OSBP2: variants seen among roughly 807,000 people sequenced by gnomAD.
OSBP2 encodes oxysterol-binding protein 2.
Under a neutral mutation model 96.0 loss-of-function variants are expected in OSBP2, and 66 were observed. That is an observed-to-expected ratio of 0.69 (90% CI 0.56 to 0.84). OSBP2 has a LOEUF of 0.84. Ranked by LOEUF, OSBP2 falls within the 40% of genes least tolerant of loss-of-function variation. The pLI is 0.00. For missense variants in OSBP2, 1,038 were observed against 1,222.7 expected (o/e 0.85, Z 2.25); for synonymous variants, 525 against 520.9 (o/e 1.01, Z -0.11).
intron 3 of OSBP2, among the ~76,000 whole-genome samples, chr22:30,879,196 C>G (rs1009174504): frequency 9.2e-5 from 14 of 152,224 alleles, no homozygotes; most frequent in Admixed American, 6.5e-4. Context: ...GCTGCCCTCC[C>G]TTGTCCCTCC....
At chr22:30,762,454 A>C (rs1391031275) in intron 2 of OSBP2, among the ~76,000 whole-genome samples, 1 of 151,970 alleles carries the variant, frequency 6.6e-6, no homozygotes, top group African/African-American at 2.4e-5. Context: ...AGGCTGAGGC[A>C]GGGGGTGAAC....
intron 2 of OSBP2, chr22:30,822,751 C>A: frequency 2.7e-6 from 4 of 1,475,816 alleles, no homozygotes; most frequent in Non-Finnish European, 3.6e-6. Context: ...AGGCCAGGCT[C>A]CCCGCGCATG....
intron 2 of OSBP2, among the ~76,000 whole-genome samples, chr22:30,786,224 T>C (rs370916378): frequency 1.0e-3 from 156 of 152,324 alleles, no homozygotes; most frequent in Middle Eastern, 3.4e-3. Flanking sequence ...AGTTTCACTA[T>C]GTTGGCCAGG....
At chr22:30,716,071 C>T (rs1470811932) in intron 1 of OSBP2, among the ~76,000 whole-genome samples, 7 of 149,306 alleles carry the variant, frequency 4.7e-5, no homozygotes, top group East Asian at 2.0e-4. Context: ...GACAGAATCT[C>T]GCTCTTGTCG....
chr22:30,859,245 C>A (rs1338787592), intron 2 of OSBP2, among the ~76,000 whole-genome samples: 1 of 152,236 alleles, frequency 6.6e-6, no homozygotes. Flanking sequence ...TTTCCAGTGA[C>A]CTGCTCAACA....
intron 2 of OSBP2, among the ~76,000 whole-genome samples, chr22:30,847,460 T>G (rs1260391273): frequency 1.3e-5 from 2 of 151,944 alleles, no homozygotes; most frequent in Non-Finnish European, 2.9e-5. Context: ...TTTTGTATTT[T>G]TTGTAGAGAT....
chr22:30,773,298 T>G (rs1602242990), intron 2 of OSBP2: 1 of 152,436 alleles, frequency 6.6e-6, no homozygotes, highest in East Asian at 1.9e-4. Context: ...TAACTAGGCC[T>G]CCCAAAGTGC....
At chr22:30,900,475 A>G (rs973457065) in intron 12 of OSBP2, among the ~76,000 whole-genome samples, 3 of 152,118 alleles carry the variant, frequency 2.0e-5, no homozygotes, top group Non-Finnish European at 4.4e-5. Flanking sequence ...AGGGACCTTC[A>G]TGGAACTTGA....
chr22:30,852,279 A>G (rs1366823098), intron 2 of OSBP2, among the ~76,000 whole-genome samples: 2 of 152,146 alleles, frequency 1.3e-5, no homozygotes, highest in Admixed American at 6.5e-5. Context: ...CAGGGCCACC[A>G]TTTGGACCTG....
rs982558154 is a variant in OSBP2, at chr22:30,719,243, T to A, written c.645-21918T>A. Among the ~76,000 whole-genome samples the A allele has an allele frequency of 1.6e-4, 25 of 152,064 alleles. 4 individuals carry two copies. The highest frequency in any genetic ancestry group is 1.5e-3 in the Admixed American group (23 of 15,258). ...AGTTTGTGCTCGGTGGCAGTGTGTG[T>A]CATTATGTGTGCATGTGCAGCTGTG... On this transcript the variant is annotated intron_variant, in intron 1 of 13. Transcript: ENST00000332585.
chr22:30,865,120 G>A (rs5753356), intron 2 of OSBP2, among the ~76,000 whole-genome samples: 46,675 of 152,044 alleles, frequency 0.31, 7,797 homozygotes, highest in South Asian at 0.48. Context: ...TGGCTCCCCT[G>A]CGCTAGATGA....
intron 2 of OSBP2, among the ~76,000 whole-genome samples, chr22:30,802,276 G>T (rs1354695074): frequency 6.6e-6 from 1 of 152,210 alleles, no homozygotes; most frequent in Non-Finnish European, 1.5e-5. Flanking sequence ...ATGTGGAAGC[G>T]GTTCTGCGAG....
At chr22:30,769,788 G>A (rs2090324315) in intron 2 of OSBP2, among the ~76,000 whole-genome samples, 1 of 152,188 alleles carries the variant, frequency 6.6e-6, no homozygotes, top group Non-Finnish European at 1.5e-5. Flanking sequence ...GTTGACAACA[G>A]ATCTGTGTGT....
chr22:30,793,170 A>T (rs1381319958), intron 2 of OSBP2, among the ~76,000 whole-genome samples: 1 of 152,128 alleles, frequency 6.6e-6, no homozygotes, highest in Non-Finnish European at 1.5e-5. Context: ...TGGGCGGATC[A>T]CTTGAGGTCA....
intron 2 of OSBP2, among the ~76,000 whole-genome samples, chr22:30,807,883 T>C (rs1192785786): frequency 6.6e-6 from 1 of 152,190 alleles, no homozygotes; most frequent in Non-Finnish European, 1.5e-5. Context: ...CGTCCTGGGC[T>C]CAAGTGATCC....
chr22:30,737,315 C>CTTTTT (rs34541516), intron 1 of OSBP2, among the ~76,000 whole-genome samples: 1 of 110,404 alleles, frequency 9.1e-6, no homozygotes, highest in African/African-American at 3.7e-5. Flanking sequence ...TGCGCCCGGC[C>CTTTTT]TTTTTTTTTT....
At chr22:30,837,449 A>G (rs1387464207) in intron 2 of OSBP2, among the ~76,000 whole-genome samples, 2 of 152,100 alleles carry the variant, frequency 1.3e-5, no homozygotes, top group African/African-American at 4.8e-5. Flanking sequence ...GGGCCATTCT[A>G]CCTAGCAGTG....
chr22:30,760,609 A>AGT (rs1331329002), intron 2 of OSBP2, among the ~76,000 whole-genome samples: 2 of 152,148 alleles, frequency 1.3e-5, no homozygotes, highest in African/African-American at 2.4e-5. Flanking sequence ...TGAAGTCAGG[A>AGT]GTTCAAGAGC....
chr22:30,735,890 T>A (rs752773510), intron 1 of OSBP2, among the ~76,000 whole-genome samples: 2 of 151,774 alleles, frequency 1.3e-5, no homozygotes, highest in Non-Finnish European at 2.9e-5. Context: ...GCCCAGCTAA[T>A]TTTTGGTATT....
Sources: gnomAD v4.1 joint callset for allele counts (sites outside exome capture counted in the v4.1 genomes callset) on GRCh38, gnomAD v4.1.1 for gene constraint, MANE v1.5 for transcripts, NCBI Gene and HGNC (gene_info 2026-07-23, HGNC 2026-07-21) for gene names.